The following MYO5B variants were observed in gnomAD, a reference collection of about 807,000 sequenced individuals.
MYO5B encodes unconventional myosin-Vb.
In MYO5B, 143 loss-of-function variants were observed where a neutral mutation model predicts 229.3. The ratio of observed to expected loss-of-function variants is 0.62; its 90% CI spans 0.54 to 0.72. The LOEUF (loss-of-function observed/expected upper bound fraction) is 0.72, where lower values mean the gene tolerates loss of function less well. Ranked by LOEUF, MYO5B falls within the 30% of genes least tolerant of loss-of-function variation. The probability of loss-of-function intolerance (pLI) is 0.00; values close to 1 mark genes in which losing one functional copy is unlikely to be tolerated. For missense variants in MYO5B, 2,321 were observed against 2,331.0 expected, an observed-to-expected ratio of 1.00 and a Z score of 0.09; for synonymous variants, 918 against 885.2, an observed-to-expected ratio of 1.04 and a Z score of -0.66.
chr18:49,911,980 A>C, intron 18 of MYO5B, 82 bp downstream of exon 18: 1 of 1,044,542 alleles, frequency 9.6e-7, no homozygotes, highest in Non-Finnish European at 1.5e-6. Flanking sequence ...AGACCAAAAA[A>C]AAAATGTAGA....
chr18:49,909,560 A>G (rs1024825812), intron 18 of MYO5B, among the ~76,000 whole-genome samples: 13 of 152,196 alleles, frequency 8.5e-5, no homozygotes, highest in African/African-American at 3.1e-4. Context: ...GCACCAACTC[A>G]TGTATTCCTG....
At chr18:50,184,275 G>A (rs189245663) in intron 1 of MYO5B, among the ~76,000 whole-genome samples, 353 of 152,208 alleles carry the variant, frequency 2.3e-3, no homozygotes, top group African/African-American at 8.0e-3. Context: ...AGTGGCAAAA[G>A]AACACAAGCA....
At chr18:50,097,078 G>T (rs1313754788) in intron 1 of MYO5B, among the ~76,000 whole-genome samples, 1 of 152,172 alleles carries the variant, frequency 6.6e-6, no homozygotes, top group African/African-American at 2.4e-5. Context: ...CAAGTCCCCA[G>T]ATTTTCAACA....
At chr18:50,014,892 A>G (rs1413029729) in intron 4 of MYO5B, among the ~76,000 whole-genome samples, 2 of 152,338 alleles carry the variant, frequency 1.3e-5, no homozygotes, top group East Asian at 3.9e-4. Context: ...TGAGGGACTG[A>G]TGCTCAAGTA....
intron 22 of MYO5B, 58 bp downstream of exon 22, chr18:49,894,883 G>A (rs548220346): frequency 2.1e-6 from 3 of 1,459,094 alleles, no homozygotes; most frequent in East Asian, 2.3e-5. Context: ...TCTGAGAGGT[G>A]GCTCCGTGTG....
chr18:49,989,434 T>C (rs965899509), intron 7 of MYO5B, among the ~76,000 whole-genome samples: 1 of 152,118 alleles, frequency 6.6e-6, no homozygotes, highest in Non-Finnish European at 1.5e-5. Context: ...CTGCTAGTAT[T>C]GGACCTCCCC....
Position 49,879,043 on chromosome 18 carries a change from G to T in MYO5B, c.3178C>A (p.Leu1060Met), listed in dbSNP as rs751665071. The change falls in exon 24 of 40, where the codon CTG becomes ATG. Residue 1060 changes from leucine to methionine, a missense_variant. Physicochemically the swap from Leu to Met is conservative, Grantham distance 15 (BLOSUM62 2). Transcript: ENST00000285039. ...TGGTACCGGGATCGCTCCTCCTCCA[G>T]TTCTTTCTTCATGAGATTTTCCTTC... is the stretch of plus-strand genomic sequence containing the variant. Reference protein sequence around the residue: ...SVKENLMKKELEEERSRYQNL... With the variant: ...SVKENLMKKEMEEERSRYQNL... 6.3e-7 allele frequency: 1 copy of T among 1,597,230 alleles called. No homozygotes were observed. The highest frequency in any genetic ancestry group is 8.5e-7 in the Non-Finnish European group (1 of 1,174,962).
chr18:50,189,351 T>C (rs1705547), intron 1 of MYO5B, among the ~76,000 whole-genome samples: 2 of 152,006 alleles, frequency 1.3e-5, no homozygotes, highest in Non-Finnish European at 1.5e-5. Flanking sequence ...GTCCCAAGCA[T>C]GGTAACTTTA....
intron 1 of MYO5B, among the ~76,000 whole-genome samples, chr18:50,160,206 G>T (rs1030042301): frequency 6.6e-6 from 1 of 152,244 alleles, no homozygotes; most frequent in African/African-American, 2.4e-5. Flanking sequence ...CTAACGTAGG[G>T]TCAGTGAGGG....
intron 21 of MYO5B, among the ~76,000 whole-genome samples, chr18:49,900,210 G>A (rs2024826203): frequency 6.6e-6 from 1 of 152,228 alleles, no homozygotes; most frequent in African/African-American, 2.4e-5. Flanking sequence ...CCTGTCAACA[G>A]CCACAATAGC....
chr18:49,925,817 A>C (rs2025122962), intron 17 of MYO5B, among the ~76,000 whole-genome samples: 1 of 152,200 alleles, frequency 6.6e-6, no homozygotes, highest in African/African-American at 2.4e-5. Flanking sequence ...CTGGGCTTGT[A>C]AGCAGGCAAT....
chr18:50,016,884 C>G (rs543417892), intron 4 of MYO5B, among the ~76,000 whole-genome samples: 1 of 151,586 alleles, frequency 6.6e-6, no homozygotes, highest in Non-Finnish European at 1.5e-5. Context: ...GTCCTTCTTC[C>G]TATGCTACCC....
At chr18:50,155,767 AC>A (rs1192709805) in intron 1 of MYO5B, among the ~76,000 whole-genome samples, 1 of 152,242 alleles carries the variant, frequency 6.6e-6, no homozygotes, top group Non-Finnish European at 1.5e-5. Flanking sequence ...GTTAGTGAGA[AC>A]TAGGAATTTC....
In MYO5B at chr18:49,964,179, T is replaced by A. The variant is rs1042003427; in HGVS notation, c.1323-1149A>T. The stretch of plus-strand genomic sequence containing the variant: ...CTTTTCTTAAAAGGTAGAAGTAAAT[T>A]AACTCCTGGAAAGGTGGAACTAATG... On this transcript the variant is annotated intron_variant, in intron 10 of 39. Transcript: ENST00000285039. 5.3e-5 allele frequency among the ~76,000 whole-genome samples: 8 copies of A among 152,366 alleles called. No homozygotes were observed. The South Asian group carries it at 6.2e-4, about 12-fold the overall frequency.
chr18:50,041,664 C>G (rs918280083), intron 2 of MYO5B, among the ~76,000 whole-genome samples: 1 of 151,728 alleles, frequency 6.6e-6, no homozygotes, highest in Non-Finnish European at 1.5e-5. Flanking sequence ...TTAGATAGAA[C>G]AAACATTAAA....
At chr18:50,049,541 G>C (rs532131610) in intron 2 of MYO5B, among the ~76,000 whole-genome samples, 57 of 152,332 alleles carry the variant, frequency 3.7e-4, no homozygotes, top group African/African-American at 1.3e-3. Flanking sequence ...GGACAGACCA[G>C]ACCACTTTCC....
chr18:50,111,074 G>A (rs1398343734), intron 1 of MYO5B, among the ~76,000 whole-genome samples: 1 of 152,174 alleles, frequency 6.6e-6, no homozygotes, highest in East Asian at 1.9e-4. Context: ...ATTCTTTGGT[G>A]GAGACTATAT....
intron 1 of MYO5B, among the ~76,000 whole-genome samples, chr18:50,161,285 G>C (rs2032760981): frequency 6.6e-6 from 1 of 152,162 alleles, no homozygotes. Context: ...TCAGGAGGCT[G>C]AGGCATGAGA....
chr18:50,169,854 A>G (rs1289157370), intron 1 of MYO5B, among the ~76,000 whole-genome samples: 1 of 127,036 alleles, frequency 7.9e-6, no homozygotes, highest in Non-Finnish European at 1.7e-5. Context: ...TAGAATACAG[A>G]TGTGAGGATC....
Sources: allele counts gnomAD v4.1 joint callset (sites outside exome capture counted in the v4.1 genomes callset), GRCh38; gene constraint gnomAD v4.1.1; transcripts MANE v1.5; gene names NCBI Gene and HGNC (gene_info 2026-07-23, HGNC 2026-07-21).